PDSS2: variants seen among roughly 807,000 people sequenced by gnomAD.
The protein encoded by PDSS2 is decaprenyl diphosphate synthase subunit 2.
PDSS2 carries 31 observed loss-of-function variants against 44.5 expected under a neutral mutation model. The ratio of observed to expected loss-of-function variants is 0.70; its 90% confidence interval spans 0.52 to 0.94. The LOEUF is 0.94. Among genes scored for constraint, PDSS2 ranks in the 40% least tolerant of loss-of-function variants. The pLI, the probability that PDSS2 is intolerant of heterozygous loss-of-function variation, is 0.00. For missense variants in PDSS2, 452 were observed against 482.2 expected (o/e 0.94, Z 0.59); for synonymous variants, 157 against 180.3 (o/e 0.87, Z 1.03).
chr6:107,383,574 G>A (rs1296611734), intron 1 of PDSS2, among the ~76,000 whole-genome samples: 1 of 151,876 alleles, frequency 6.6e-6, no homozygotes, highest in Non-Finnish European at 1.5e-5. Context: ...TCTGAGAAGG[G>A]ACTTGTATCT....
In PDSS2 at chr6:107,243,966, T is replaced by C. The variant is rs375251483; in HGVS notation, c.702+1582A>G. ...CAACATGGAGAAACCCTGTCTCTAC[T>C]AAAAATACAAAATTAGCCAGGTGTG... On this transcript the variant is annotated intron_variant, in intron 4 of 7. Coordinates refer to ENST00000369037, the MANE Select transcript of PDSS2 (RefSeq NM_020381.4). Among the ~76,000 whole-genome samples, 5 of 152,168 alleles carry C rather than the reference T, an allele frequency of 3.3e-5. No individual in the cohort carries two copies. In the East Asian group the frequency reaches 7.7e-4, roughly 24 times the overall value.
At chr6:107,366,906 A>C (rs1406826905) in intron 1 of PDSS2, among the ~76,000 whole-genome samples, 1 of 152,180 alleles carries the variant, frequency 6.6e-6, no homozygotes, top group Non-Finnish European at 1.5e-5. Context: ...TTTTGCTTGC[A>C]AATTCTATAT....
chr6:107,453,731 C>T (rs933301611), intron 1 of PDSS2, among the ~76,000 whole-genome samples: 4 of 152,120 alleles, frequency 2.6e-5, no homozygotes, highest in Non-Finnish European at 4.4e-5. Context: ...ATTCATGCTG[C>T]TTATCCTTGC....
intron 1 of PDSS2, among the ~76,000 whole-genome samples, chr6:107,364,587 A>G (rs997639038): frequency 6.6e-6 from 1 of 152,192 alleles, no homozygotes; most frequent in African/African-American, 2.4e-5. Context: ...GCTGGCCCGC[A>G]AGCGCTGCAC....
intron 1 of PDSS2, 129 bp downstream of exon 1, chr6:107,458,861 T>A (rs1782144203): frequency 1.3e-6 from 1 of 763,708 alleles, no homozygotes; most frequent in Admixed American, 2.2e-5. Context: ...CTAGGAGGAG[T>A]GAGTAAAAAG....
chr6:107,426,073 T>C (rs981321244), intron 1 of PDSS2, among the ~76,000 whole-genome samples: 6 of 151,954 alleles, frequency 3.9e-5, no homozygotes, highest in Non-Finnish European at 8.8e-5. Context: ...GAAAAATGTC[T>C]CCAGGACATG....
At chr6:107,237,444 T>C (rs138881622) in intron 4 of PDSS2, among the ~76,000 whole-genome samples, 2,268 of 151,906 alleles carry the variant, frequency 0.015, 54 homozygotes, top group African/African-American at 0.052. Context: ...GGTTTCACCA[T>C]GTTGGTCAGG....
chr6:107,289,330 G>T (rs957980806), intron 2 of PDSS2, among the ~76,000 whole-genome samples: 4 of 148,942 alleles, frequency 2.7e-5, no homozygotes, highest in Non-Finnish European at 5.9e-5. Context: ...CCGATATCGT[G>T]CCACTGCACT....
At chr6:107,391,771 T>C (rs946718428) in intron 1 of PDSS2, among the ~76,000 whole-genome samples, 1 of 152,148 alleles carries the variant, frequency 6.6e-6, no homozygotes, top group African/African-American at 2.4e-5. Flanking sequence ...CATTCATGTA[T>C]TAAATAAATA....
intron 1 of PDSS2, among the ~76,000 whole-genome samples, chr6:107,426,707 C>T (rs1781017014): frequency 6.6e-6 from 1 of 152,164 alleles, no homozygotes; most frequent in Non-Finnish European, 1.5e-5. Context: ...TCAGCGTGAC[C>T]TGAATGCAAG....
chr6:107,287,111 T>G (rs1327315754), intron 2 of PDSS2, among the ~76,000 whole-genome samples: 1 of 152,204 alleles, frequency 6.6e-6, no homozygotes, highest in African/African-American at 2.4e-5. Flanking sequence ...TTCATTGACT[T>G]TGCAAAAATG....
intron 4 of PDSS2, among the ~76,000 whole-genome samples, chr6:107,225,490 T>C (rs1773789848): frequency 6.6e-6 from 1 of 151,916 alleles, no homozygotes; most frequent in South Asian, 2.1e-4. Context: ...GGAAGTAACA[T>C]GCCATTGCTT....
chr6:107,397,111 C>CTG (rs1779972508), intron 1 of PDSS2, among the ~76,000 whole-genome samples: 2 of 151,792 alleles, frequency 1.3e-5, no homozygotes, highest in South Asian at 4.2e-4. Flanking sequence ...TGTCAGTTGT[C>CTG]TGTGTAGGCA....
At chr6:107,170,069 G>T (rs542882135) in intron 7 of PDSS2, among the ~76,000 whole-genome samples, 1 of 152,140 alleles carries the variant, frequency 6.6e-6, no homozygotes, top group Non-Finnish European at 1.5e-5. Context: ...ATGCCCTGCC[G>T]CCAGAGGTGG....
chr6:107,346,947 G>C (rs1356737718), intron 1 of PDSS2, among the ~76,000 whole-genome samples: 12 of 152,304 alleles, frequency 7.9e-5, no homozygotes, highest in African/African-American at 2.9e-4. Context: ...AGGCTCCCAG[G>C]CAGCACACAA....
At chr6:107,433,841 G>A (rs1459851846) in intron 1 of PDSS2, among the ~76,000 whole-genome samples, 2 of 152,162 alleles carry the variant, frequency 1.3e-5, no homozygotes, top group Non-Finnish European at 1.5e-5. Flanking sequence ...ACAACCCACA[G>A]AATGGGAGAA....
intron 1 of PDSS2, among the ~76,000 whole-genome samples, chr6:107,390,160 C>T (rs1245251270): frequency 6.6e-6 from 1 of 152,060 alleles, no homozygotes; most frequent in Non-Finnish European, 1.5e-5. Flanking sequence ...AACTTACCCC[C>T]TTGAGTGTGG....
Position 107,289,148 on chromosome 6 carries a change from G to A in PDSS2, c.432-14921C>T, listed in dbSNP as rs1438630421. ...AGCATTTTGGGAGGCCAAGATGGGC[G>A]TATCACCTGAGGTCAGCAGTTCGAG... is the stretch of plus-strand genomic sequence containing the variant. On this transcript the variant is annotated intron_variant, in intron 2 of 7. Transcript: ENST00000369037. Among the ~76,000 whole-genome samples the A allele has an allele frequency of 6.6e-5, 10 of 150,514 alleles. No homozygotes were observed. The Middle Eastern group carries it at 0.01, about 157-fold the overall frequency.
chr6:107,370,279 T>A (rs922588646), intron 1 of PDSS2, among the ~76,000 whole-genome samples: 2 of 152,178 alleles, frequency 1.3e-5, no homozygotes, highest in African/African-American at 4.8e-5. Context: ...CTCGAGTAAT[T>A]CAGAGAATAT....
Sources: allele counts gnomAD v4.1 joint callset (sites outside exome capture counted in the v4.1 genomes callset), GRCh38; gene constraint gnomAD v4.1.1; transcripts MANE v1.5; gene names NCBI Gene and HGNC (gene_info 2026-07-23, HGNC 2026-07-21).